PKIB: variants seen among roughly 807,000 people sequenced by gnomAD.
The protein encoded by PKIB is PKI-beta.
In PKIB, 2 loss-of-function variants were observed where a neutral mutation model predicts 4.5. The ratio of observed to expected loss-of-function variants is 0.44; its 90% CI spans 0.18 to 1.39. The LOEUF (loss-of-function observed/expected upper bound fraction) is 1.39. PKIB is among the 40% of genes most tolerant of loss of function. The pLI is 0.27. For synonymous variants in PKIB, 38 were observed against 36.0 expected (o/e 1.06, Z -0.20); for missense variants, 94 against 92.6 (o/e 1.02, Z -0.06).
At chr6:122,687,940 T>G (rs1441103776) in intron 3 of PKIB, among the ~76,000 whole-genome samples, 1 of 152,090 alleles carries the variant, frequency 6.6e-6, no homozygotes, top group Non-Finnish European at 1.5e-5. Flanking sequence ...GGATGTCCTT[T>G]TTTTTTTAAA....
chr6:122,663,870 A>G lies in PKIB; in HGVS notation c.-75-11208A>G, dbSNP rs186780377. On this transcript the variant is annotated intron_variant, in intron 2 of 4. Coordinates refer to ENST00000368452, the MANE Select transcript of PKIB (RefSeq NM_181795.3). ...ATGCAACCCATAACACCATATCTGT[A>G]TTTGTTTTGGGGCTGAAGTGTGATT... Among the ~76,000 whole-genome samples, 237 of 152,262 alleles carry G rather than the reference A, an allele frequency of 1.6e-3. 1 individual carries two copies. The highest frequency in any genetic ancestry group is 5.4e-3 in the African/African-American group (226 of 41,550).
At chr6:122,561,873 G>C (rs2114673414) in intron 2 of PKIB, among the ~76,000 whole-genome samples, 1 of 151,646 alleles carries the variant, frequency 6.6e-6, no homozygotes, top group East Asian at 1.9e-4. Context: ...CCATTCCATG[G>C]TTCTATATCT....
intron 2 of PKIB, among the ~76,000 whole-genome samples, chr6:122,672,541 T>G (rs1274313994): frequency 6.6e-6 from 1 of 152,164 alleles, no homozygotes; most frequent in African/African-American, 2.4e-5. Context: ...TCCATGTATA[T>G]CACCAAGTTT....
At chr6:122,542,953 A>T (rs963401190) in intron 2 of PKIB, among the ~76,000 whole-genome samples, 5 of 152,064 alleles carry the variant, frequency 3.3e-5, no homozygotes, top group African/African-American at 1.2e-4. Context: ...GCTGCCTTGC[A>T]GTTTGATCTC....
At chr6:122,621,344 A>C (rs1422058612) in intron 1 of PKIB, among the ~76,000 whole-genome samples, 1 of 152,194 alleles carries the variant, frequency 6.6e-6, no homozygotes, top group Non-Finnish European at 1.5e-5. Flanking sequence ...GATGCTAAGG[A>C]ATATGCCAGG....
chr6:122,534,902 G>A (rs992725519), intron 2 of PKIB, among the ~76,000 whole-genome samples: 1 of 152,234 alleles, frequency 6.6e-6, no homozygotes, highest in South Asian at 2.1e-4. Flanking sequence ...AAGAGTTTCA[G>A]CGAATATTCA....
intron 2 of PKIB, among the ~76,000 whole-genome samples, chr6:122,639,405 G>A (rs1776044279): frequency 6.6e-6 from 1 of 152,170 alleles, no homozygotes; most frequent in African/African-American, 2.4e-5. Flanking sequence ...TGTTTGCAGT[G>A]TGCCAAACTC....
At chr6:122,635,596 A>G (rs984765123) in intron 2 of PKIB, among the ~76,000 whole-genome samples, 1 of 151,824 alleles carries the variant, frequency 6.6e-6, no homozygotes. Context: ...AAAATCATAA[A>G]AATTCATTGA....
At chr6:122,715,445 G>A (rs943715006) in intron 3 of PKIB, among the ~76,000 whole-genome samples, 6 of 151,828 alleles carry the variant, frequency 4.0e-5, no homozygotes, top group Non-Finnish European at 7.4e-5. Flanking sequence ...AGAAAATGGG[G>A]TCTACTTCCA....
chr6:122,614,095 G>A (rs748595514), intron 1 of PKIB, among the ~76,000 whole-genome samples: 3 of 152,120 alleles, frequency 2.0e-5, no homozygotes, highest in Non-Finnish European at 4.4e-5. Flanking sequence ...GAGCAGAGTG[G>A]ATTTGTGTTC....
intron 2 of PKIB, among the ~76,000 whole-genome samples, chr6:122,535,993 G>A (rs1289481176): frequency 6.6e-6 from 1 of 152,086 alleles, no homozygotes; most frequent in Non-Finnish European, 1.5e-5. Context: ...CCAAGTTGAA[G>A]CGCAGTGGCG....
chr6:122,571,787 A>G (rs1773373910), intron 2 of PKIB, among the ~76,000 whole-genome samples: 1 of 152,250 alleles, frequency 6.6e-6, no homozygotes, highest in African/African-American at 2.4e-5. Flanking sequence ...ACCTCCTTAA[A>G]GCATAAATCT....
At chr6:122,536,968 A>C (rs909001909) in intron 2 of PKIB, among the ~76,000 whole-genome samples, 2 of 151,738 alleles carry the variant, frequency 1.3e-5, no homozygotes, top group African/African-American at 4.8e-5. Context: ...GCTAGAAAAA[A>C]AATCCATATT....
At chr6:122,625,653 ATAAT>A (rs891626256) in intron 1 of PKIB, among the ~76,000 whole-genome samples, 105 of 151,912 alleles carry the variant, frequency 6.9e-4, no homozygotes, top group Middle Eastern at 3.4e-3. Context: ...AATAATAATA[ATAAT>A]TAATTAATTA....
At chr6:122,598,843 T>C (rs1774261751) in intron 3 of PKIB, among the ~76,000 whole-genome samples, 1 of 152,168 alleles carries the variant, frequency 6.6e-6, no homozygotes, top group African/African-American at 2.4e-5. Context: ...TTAAATGCAA[T>C]GCAGAGTCCC....
intron 3 of PKIB, among the ~76,000 whole-genome samples, chr6:122,697,423 G>A (rs1246237767): frequency 6.6e-6 from 1 of 151,838 alleles, no homozygotes; most frequent in African/African-American, 2.4e-5. Flanking sequence ...TAGGGATTAG[G>A]AGATGTGCCT....
At chr6:122,652,477 A>G (rs1776599330) in intron 2 of PKIB, among the ~76,000 whole-genome samples, 1 of 152,026 alleles carries the variant, frequency 6.6e-6, no homozygotes, top group African/African-American at 2.4e-5. Context: ...CAGGGAAAGC[A>G]CTCATCTGTT....
rs191505223 is a variant in PKIB, at chr6:122,573,436, C to T, written c.-247-12485C>T. Among the ~76,000 whole-genome samples, 264 of 148,864 alleles carry T rather than the reference C, an allele frequency of 1.8e-3. 2 individuals are homozygous for T. The highest frequency in any genetic ancestry group is 4.8e-3 in the African/African-American group (192 of 40,266). On this transcript the variant is annotated intron_variant, in intron 2 of 6. Transcript: ENST00000392491. ...ACTCGCGAGGCTGAGGTGGAAGGAT[C>T]GCTTGAGCCCATGAAGCAGAGGTTG... is the stretch of plus-strand genomic sequence containing the variant.
intron 3 of PKIB, among the ~76,000 whole-genome samples, chr6:122,711,539 T>G (rs1779273222): frequency 6.6e-6 from 1 of 152,140 alleles, no homozygotes; most frequent in Non-Finnish European, 1.5e-5. Flanking sequence ...CTGCAAACCT[T>G]TATGGAGGAT....
Sources: gnomAD v4.1 joint callset for allele counts (sites outside exome capture counted in the v4.1 genomes callset) on GRCh38, gnomAD v4.1.1 for gene constraint, MANE v1.5 for transcripts, NCBI Gene and HGNC (gene_info 2026-07-23, HGNC 2026-07-21) for gene names.